PTPRN2: variants seen among roughly 807,000 people sequenced by gnomAD.
PTPRN2 encodes protein tyrosine phosphatase receptor type N2.
A neutral mutation model predicts 118.8 loss-of-function variants in PTPRN2; 74 were observed. That is an observed-to-expected ratio of 0.62 (90% CI 0.52 to 0.76). The LOEUF is 0.76. PTPRN2 is among the 30% of genes least tolerant of loss of function. PTPRN2 has a pLI of 0.00. For missense variants in PTPRN2, 1,481 were observed against 1,394.4 expected (o/e 1.06, Z -0.99); for synonymous variants, 641 against 608.0 (o/e 1.05, Z -0.80).
Position 157,615,805 on chromosome 7 carries a change from T to G in PTPRN2, c.2344+5557A>C, listed in dbSNP as rs1802733954. The G allele has an allele frequency of 2.8e-5, 10 of 355,340 alleles. 1 individual carries two copies. Among genetic ancestry groups the G allele is most frequent in the South Asian group, 1.9e-4 (9 of 47,776 alleles). 22.0% of individuals were successfully genotyped at this position (355,340 alleles called of 1,614,324 possible). A position where few individuals can be genotyped will look rare whatever the true frequency, so the allele number is the denominator to read the frequency against. ...CAAGGCTCGATTCTCCTGTTAAACT[T>G]GACTGTCACCAACGGGGGGTGGGGG... On this transcript the variant is annotated intron_variant, in intron 15 of 22. Transcript: ENST00000389418. This position sits in a 1 kb window ranked among gnomAD's most constrained non-coding sequence, Gnocchi z 4.3.
chr7:157,914,151 C>T (rs546895077), intron 11 of PTPRN2, among the ~76,000 whole-genome samples: 2 of 152,266 alleles, frequency 1.3e-5, no homozygotes, highest in East Asian at 3.9e-4. Context: ...ATGATTCCCT[C>T]CTCTCTTTTT....
chr7:158,522,294 G>A (rs1211416340), intron 1 of PTPRN2, among the ~76,000 whole-genome samples: 6 of 87,816 alleles, frequency 6.8e-5, no homozygotes, highest in African/African-American at 1.1e-4. Flanking sequence ...GGAGGTCCAC[G>A]TCACAATGGT....
intron 12 of PTPRN2, among the ~76,000 whole-genome samples, chr7:157,894,113 G>A (rs553475130): frequency 2.4e-4 from 37 of 151,980 alleles, no homozygotes; most frequent in Non-Finnish European, 4.4e-4. Context: ...ATGAATGAAC[G>A]AACAGCTCAC....
chr7:158,542,872 T>C (rs986377229), intron 1 of PTPRN2, among the ~76,000 whole-genome samples: 4 of 152,094 alleles, frequency 2.6e-5, no homozygotes, highest in African/African-American at 9.7e-5. Flanking sequence ...AGCCAGCCCA[T>C]TACTGGACAT....
intron 2 of PTPRN2, among the ~76,000 whole-genome samples, chr7:158,431,257 TGGGCTCACTCC>T (rs1339008590): frequency 2.1e-5 from 3 of 146,282 alleles, no homozygotes; most frequent in Non-Finnish European, 4.5e-5. Flanking sequence ...TGGCTCACAC[TGGGCTCACTCC>T]GGGCTCAACA....
At position 158,545,533 on chromosome 7, in the gene PTPRN2, G is replaced by A. The variant is rs115455413; in HGVS notation, c.112+42025C>T. On this transcript the variant is annotated intron_variant, in intron 1 of 22. Coordinates refer to ENST00000389418, the MANE Select transcript of PTPRN2 (RefSeq NM_002847.5). ...GCCGTCTGCGGGCCTCAGGGTTTGCGCTATTCTGGAATATCGTTGGTGGGG... is the reference window on the plus strand; with the variant it reads ...GCCGTCTGCGGGCCTCAGGGTTTGCACTATTCTGGAATATCGTTGGTGGGG... Among the ~76,000 whole-genome samples the A allele has an allele frequency of 7.6e-3, 1,158 of 152,244 alleles. 16 individuals are homozygous for A. The highest frequency in any genetic ancestry group is 0.026 in the African/African-American group (1,064 of 41,522).
intron 1 of PTPRN2, among the ~76,000 whole-genome samples, chr7:158,561,443 C>G (rs1279339924): frequency 6.6e-6 from 1 of 152,118 alleles, no homozygotes; most frequent in Non-Finnish European, 1.5e-5. Flanking sequence ...TGTTTTCTCA[C>G]CAAATACAAG....
At chr7:158,080,394 C>T (rs1440536470) in intron 11 of PTPRN2, among the ~76,000 whole-genome samples, 2 of 147,932 alleles carry the variant, frequency 1.4e-5, no homozygotes, top group Non-Finnish European at 3.0e-5. Context: ...AGTGTCATTT[C>T]CCGCTGTGGC....
chr7:158,103,333 G>T (rs1411863909), intron 10 of PTPRN2, among the ~76,000 whole-genome samples: 1 of 152,230 alleles, frequency 6.6e-6, no homozygotes, highest in Admixed American at 6.5e-5. Context: ...ACACTTGATG[G>T]CAGGTGGCTC....
At chr7:157,727,117 C>A (rs946798365) in intron 12 of PTPRN2, among the ~76,000 whole-genome samples, 2 of 152,116 alleles carry the variant, frequency 1.3e-5, no homozygotes, top group African/African-American at 4.8e-5. Flanking sequence ...AGCCGGCAGC[C>A]CTATGTCTGG....
intron 1 of PTPRN2, among the ~76,000 whole-genome samples, chr7:158,515,161 G>T (rs553015588): frequency 4.6e-5 from 7 of 152,052 alleles, no homozygotes; most frequent in East Asian, 1.9e-4. Flanking sequence ...GCGTGCACCA[G>T]CTGGTGTTTC....
chr7:157,645,481 C>G (rs145176118), intron 14 of PTPRN2, among the ~76,000 whole-genome samples: 1 of 152,198 alleles, frequency 6.6e-6, no homozygotes, highest in African/African-American at 2.4e-5. Context: ...AATAAGCATC[C>G]GCGATGACTC....
At chr7:157,709,775 G>A (rs528677628) in intron 12 of PTPRN2, among the ~76,000 whole-genome samples, 1 of 152,302 alleles carries the variant, frequency 6.6e-6, no homozygotes, top group Non-Finnish European at 1.5e-5. Flanking sequence ...GCCCATCCAC[G>A]GATGGCTGGG....
chr7:157,576,588 C>G (rs1186341049), intron 19 of PTPRN2, 25 bp downstream of exon 19: 2 of 1,593,502 alleles, frequency 1.3e-6, no homozygotes, highest in Non-Finnish European at 1.7e-6. Flanking sequence ...CGCGCACTGC[C>G]CTGCCGGCGG....
At chr7:158,045,876 T>C (rs1392732423) in intron 11 of PTPRN2, among the ~76,000 whole-genome samples, 1 of 144,704 alleles carries the variant, frequency 6.9e-6, no homozygotes, top group Non-Finnish European at 1.5e-5. Context: ...TACTGCCTTG[T>C]TCTGTCCAGG....
chr7:157,748,745 C>G (rs1315255097), intron 12 of PTPRN2, among the ~76,000 whole-genome samples: 3 of 59,658 alleles, frequency 5.0e-5, no homozygotes, highest in Admixed American at 3.3e-4. Context: ...TGTGGGCTGT[C>G]CGGGTGATTC....
intron 11 of PTPRN2, among the ~76,000 whole-genome samples, chr7:157,910,837 A>C (rs1452300504): frequency 1.3e-5 from 2 of 152,266 alleles, no homozygotes; most frequent in Admixed American, 1.3e-4. Context: ...TTTGATGTTA[A>C]TCATTTTACA....
intron 12 of PTPRN2, among the ~76,000 whole-genome samples, chr7:157,769,779 C>A (rs2151023176): frequency 6.6e-6 from 1 of 152,346 alleles, no homozygotes; most frequent in Admixed American, 6.5e-5. Context: ...AGCTCCCTCC[C>A]AGACCTGCAG....
At chr7:158,107,771 T>A (rs1359394344) in intron 10 of PTPRN2, among the ~76,000 whole-genome samples, 5 of 152,208 alleles carry the variant, frequency 3.3e-5, no homozygotes, top group African/African-American at 1.2e-4. Context: ...CTCACCTGCA[T>A]CTTCTCGTGT....
Sources: gnomAD v4.1 joint callset for allele counts (sites outside exome capture counted in the v4.1 genomes callset) on GRCh38, gnomAD v4.1.1 for gene constraint, Gnocchi (gnomAD v3.1) non-coding constraint, MANE v1.5 for transcripts, NCBI Gene and HGNC (gene_info 2026-07-23, HGNC 2026-07-21) for gene names.